CTNNA2: variants seen among roughly 807,000 people sequenced by gnomAD.
CTNNA2 encodes the protein catenin alpha-2.
A neutral mutation model predicts 101.0 loss-of-function variants in CTNNA2; 42 were observed. The observed-to-expected ratio is 0.42, with a 90% CI of 0.32 to 0.54. The LOEUF (loss-of-function observed/expected upper bound fraction) is 0.54, where lower values mean the gene tolerates loss of function less well. Among genes scored for constraint, CTNNA2 ranks in the 20% least tolerant of loss-of-function variants. The pLI, the probability that CTNNA2 is intolerant of heterozygous loss-of-function variation, is 0.14. For missense variants in CTNNA2, 871 were observed against 1,223.1 expected (o/e 0.71, Z 4.29); for synonymous variants, 450 against 456.4 (o/e 0.99, Z 0.18).
intron 7 of CTNNA2, among the ~76,000 whole-genome samples, chr2:80,243,353 T>G (rs2149094241): frequency 6.6e-6 from 1 of 152,304 alleles, no homozygotes; most frequent in South Asian, 2.1e-4. Flanking sequence ...TTCCACGAGA[T>G]AATCATTTCC....
intron 9 of CTNNA2, among the ~76,000 whole-genome samples, chr2:80,496,993 G>A (rs574249953): frequency 4.6e-5 from 7 of 152,242 alleles, no homozygotes; most frequent in African/African-American, 1.4e-4. Context: ...AAGCATGAAC[G>A]AAGCGCCTGA....
chr2:79,475,456 C>T (rs765820675), intron 4 of CTNNA2, among the ~76,000 whole-genome samples: 6 of 152,050 alleles, frequency 3.9e-5, no homozygotes, highest in South Asian at 4.2e-4. Flanking sequence ...ATTTAATGAA[C>T]GTTCACAAAG....
intron 1 of CTNNA2, among the ~76,000 whole-genome samples, chr2:79,591,883 A>G (rs1241722689): frequency 1.4e-5 from 2 of 140,264 alleles, no homozygotes; most frequent in Non-Finnish European, 3.1e-5. Context: ...GTTTTATTTT[A>G]TCGGTTGTTT....
intron 2 of CTNNA2, among the ~76,000 whole-genome samples, chr2:79,248,018 A>T (rs1464455578): frequency 6.6e-6 from 1 of 152,214 alleles, no homozygotes. Context: ...TAAGCCTCCA[A>T]ATTTGTAATA....
intron 9 of CTNNA2, among the ~76,000 whole-genome samples, chr2:80,543,110 ATTG>A: frequency 6.6e-6 from 1 of 152,358 alleles, no homozygotes; most frequent in East Asian, 1.9e-4. Context: ...TTTACAAGCT[ATTG>A]TTTAATTTAT....
intron 18 of CTNNA2, among the ~76,000 whole-genome samples, chr2:80,640,842 CTCCAGTGGAAAGATTCCAGT>C (rs1381610034): frequency 7.1e-6 from 1 of 141,100 alleles, no homozygotes; most frequent in Non-Finnish European, 1.6e-5. Flanking sequence ...AAATGACCAG[CTCCAGTGGAAAGATTCCAGT>C]TTCCTTGAGG....
intron 7 of CTNNA2, among the ~76,000 whole-genome samples, chr2:80,083,113 A>C (rs1324606832): frequency 6.6e-6 from 1 of 152,116 alleles, no homozygotes; most frequent in Non-Finnish European, 1.5e-5. Context: ...GAACCTGGAC[A>C]TTCAAGACAT....
At chr2:80,468,519 G>A (rs568394669) in intron 9 of CTNNA2, among the ~76,000 whole-genome samples, 107 of 152,288 alleles carry the variant, frequency 7.0e-4, no homozygotes, top group African/African-American at 2.3e-3. Context: ...CCCGGTTCAA[G>A]TGATTCTCCT....
upstream of CTNNA2, among the ~76,000 whole-genome samples, chr2:79,512,054 A>G (rs1319001517): frequency 7.2e-5 from 11 of 152,194 alleles, no homozygotes; most frequent in Admixed American, 7.2e-4. Context: ...ACTGTAACTT[A>G]TATTTCTCAT....
intron 4 of CTNNA2, among the ~76,000 whole-genome samples, chr2:79,421,947 G>A (rs1678544404): frequency 6.6e-6 from 1 of 152,146 alleles, no homozygotes. Flanking sequence ...AAACAATGAA[G>A]CTTGAGACCA....
At chr2:79,260,743 C>T (rs34168317) in intron 2 of CTNNA2, among the ~76,000 whole-genome samples, 4,367 of 152,182 alleles carry the variant, frequency 0.029, 93 homozygotes, top group Middle Eastern at 0.058. Flanking sequence ...CACTAATTAG[C>T]AATACTAGCC....
intron 7 of CTNNA2, among the ~76,000 whole-genome samples, chr2:80,363,887 TTAAG>T (rs1177582650): frequency 4.6e-5 from 7 of 152,308 alleles, no homozygotes; most frequent in African/African-American, 7.2e-5. Context: ...ATACCATTAA[TTAAG>T]TGTCTGTTCA....
intron 7 of CTNNA2, among the ~76,000 whole-genome samples, chr2:80,084,684 A>G (rs779918475): frequency 1.2e-4 from 19 of 152,110 alleles, no homozygotes; most frequent in Non-Finnish European, 2.1e-4. Context: ...GAATACATTA[A>G]TTAACTACTT....
intron 13 of CTNNA2, among the ~76,000 whole-genome samples, chr2:80,580,036 T>C (rs2149714916): frequency 6.6e-6 from 1 of 152,316 alleles, no homozygotes. Context: ...CTCACTCACT[T>C]TTGTGCACCA....
intron 4 of CTNNA2, among the ~76,000 whole-genome samples, chr2:79,486,439 G>A (rs961637971): frequency 6.6e-6 from 1 of 152,136 alleles, no homozygotes; most frequent in Non-Finnish European, 1.5e-5. Context: ...ATTCCATGGT[G>A]TAAATGTGCC....
chr2:79,378,241 A>G (rs1374904254), intron 4 of CTNNA2, among the ~76,000 whole-genome samples: 2 of 152,182 alleles, frequency 1.3e-5, no homozygotes, highest in Non-Finnish European at 2.9e-5. Context: ...CCAAATGTAC[A>G]TGTCTTTGAC....
chr2:79,772,498 T>C lies in CTNNA2; in HGVS notation c.298+27916T>C, dbSNP rs147515506. Among the ~76,000 whole-genome samples, 579 of 152,342 alleles carry C rather than the reference T, an allele frequency of 3.8e-3. 4 individuals are homozygous for C. Among genetic ancestry groups the C allele is most frequent in the Middle Eastern group, 0.017 (5 of 292 alleles). On this transcript the variant is annotated intron_variant, in intron 3 of 18. Transcript: ENST00000402739. ...CATGGTCTGGTGAGCAGCTCTCCCA[T>C]CTTCAGCATGAGGCTTCAGCATAAG...
intron 4 of CTNNA2, among the ~76,000 whole-genome samples, chr2:79,392,385 A>C: frequency 6.6e-6 from 1 of 152,326 alleles, no homozygotes; most frequent in East Asian, 1.9e-4. Context: ...TCAAAAATAC[A>C]CTAAAGTAGA....
chr2:80,593,275 A>G (rs1277861312), intron 15 of CTNNA2, among the ~76,000 whole-genome samples: 1 of 151,950 alleles, frequency 6.6e-6, no homozygotes, highest in East Asian at 1.9e-4. Context: ...TCTTGTCGAT[A>G]TTGTCTTCCA....
Sources: allele counts gnomAD v4.1 joint callset (sites outside exome capture counted in the v4.1 genomes callset), GRCh38; gene constraint gnomAD v4.1.1; transcripts MANE v1.5; gene names NCBI Gene and HGNC (gene_info 2026-07-23, HGNC 2026-07-21).